The following CSMD1 variants were observed in gnomAD, a reference collection of about 807,000 sequenced individuals.
The protein encoded by CSMD1 is CUB and sushi domain-containing protein 1.
Under a neutral mutation model 417.5 loss-of-function variants are expected in CSMD1, and 213 were observed. The observed-to-expected ratio is 0.51, with a 90% CI of 0.46 to 0.57. The LOEUF (loss-of-function observed/expected upper bound fraction) is 0.57, where lower values mean the gene tolerates loss of function less well. CSMD1 is among the 20% of genes least tolerant of loss of function. The pLI, the probability that CSMD1 is intolerant of heterozygous loss-of-function variation, is 0.00. For synonymous variants in CSMD1, 2,862 were observed against 1,736.8 expected (o/e 1.65, Z -16.11); for missense variants, 6,923 against 4,529.7 (o/e 1.53, Z -15.17).
At chr8:3,513,606 G>A (rs140362363) in intron 10 of CSMD1, among the ~76,000 whole-genome samples, 1 of 152,126 alleles carries the variant, frequency 6.6e-6, no homozygotes, top group Admixed American at 6.5e-5. Flanking sequence ...CAATGCCCCA[G>A]AAAACATGGT....
At chr8:4,303,636 G>A (rs1338316003) in intron 3 of CSMD1, among the ~76,000 whole-genome samples, 1 of 151,826 alleles carries the variant, frequency 6.6e-6, no homozygotes, top group African/African-American at 2.4e-5. Context: ...GAGGTGACTG[G>A]GAAGTTTTTC....
chr8:3,794,111 C>G (rs150319118), intron 5 of CSMD1, among the ~76,000 whole-genome samples: 37 of 152,162 alleles, frequency 2.4e-4, no homozygotes, highest in African/African-American at 8.9e-4. Context: ...GTCGCAGGCA[C>G]ACACCCTGCC....
At chr8:4,134,792 A>C (rs1210029458) in intron 3 of CSMD1, among the ~76,000 whole-genome samples, 2 of 152,174 alleles carry the variant, frequency 1.3e-5, no homozygotes, top group East Asian at 3.9e-4. Flanking sequence ...CGGCATCATG[A>C]GTGATTTATT....
chr8:4,464,766 T>G (rs911982696), intron 2 of CSMD1, among the ~76,000 whole-genome samples: 5 of 152,182 alleles, frequency 3.3e-5, no homozygotes, highest in Non-Finnish European at 7.4e-5. Context: ...CGAGTCCTGC[T>G]GAGTGGGGTG....
intron 5 of CSMD1, among the ~76,000 whole-genome samples, chr8:3,984,970 G>T (rs924957074): frequency 6.6e-6 from 1 of 151,908 alleles, no homozygotes; most frequent in Non-Finnish European, 1.5e-5. Context: ...GTGAAGACTT[G>T]GGAAAGATGG....
intron 10 of CSMD1, among the ~76,000 whole-genome samples, chr8:3,522,804 A>T (rs1797562145): frequency 6.6e-6 from 1 of 151,828 alleles, no homozygotes; most frequent in South Asian, 2.1e-4. Flanking sequence ...ATGGTTACAT[A>T]TTAAATTACG....
intron 3 of CSMD1, among the ~76,000 whole-genome samples, chr8:4,038,850 C>G (rs1260640360): frequency 6.6e-6 from 1 of 152,152 alleles, no homozygotes; most frequent in Non-Finnish European, 1.5e-5. Context: ...ATTTGTACAT[C>G]AGGGCTTGAA....
At chr8:4,611,287 T>G (rs145740523) in intron 2 of CSMD1, among the ~76,000 whole-genome samples, 1 of 152,334 alleles carries the variant, frequency 6.6e-6, no homozygotes, top group Middle Eastern at 3.4e-3. Context: ...AACCTTTTCA[T>G]ACCAATAAAT....
intron 3 of CSMD1, among the ~76,000 whole-genome samples, chr8:4,078,067 G>T (rs897422183): frequency 3.3e-5 from 5 of 152,068 alleles, no homozygotes; most frequent in African/African-American, 1.2e-4. Flanking sequence ...AAATATGTTT[G>T]TAAGAAATGC....
intron 3 of CSMD1, among the ~76,000 whole-genome samples, chr8:4,136,017 A>G (rs1803409887): frequency 1.3e-5 from 2 of 152,196 alleles, no homozygotes; most frequent in African/African-American, 4.8e-5. Context: ...ATTTCAAAAA[A>G]TATTATGGGT....
chr8:4,001,043 G>T (rs1356713063), intron 4 of CSMD1, among the ~76,000 whole-genome samples: 2 of 100,378 alleles, frequency 2.0e-5, no homozygotes, highest in East Asian at 6.7e-4. Flanking sequence ...TTTCAGAGGG[G>T]AAAATAAAAA....
chr8:3,468,841 T>A lies in CSMD1; in HGVS notation c.1449-17A>T, dbSNP rs374753194. 18 of 1,543,354 alleles carry A rather than the reference T, an allele frequency of 1.2e-5. No individual in the cohort carries two copies. Among genetic ancestry groups the A allele is most frequent in the Non-Finnish European group, 1.6e-5 (18 of 1,135,856 alleles). ...CCCGTGAGCCTGCAAGAAAGAGAAA[T>A]GTCAAAGCTTTTAGGTAAGGCAACA... is the stretch of plus-strand genomic sequence containing the variant. On this transcript the variant is annotated splice_polypyrimidine_tract_variant and intron_variant, in intron 11 of 69. Coordinates refer to ENST00000635120, the MANE Select transcript of CSMD1 (RefSeq NM_033225.6).
intron 23 of CSMD1, among the ~76,000 whole-genome samples, chr8:3,313,345 G>A (rs183522982): frequency 6.6e-5 from 10 of 152,132 alleles, no homozygotes; most frequent in Admixed American, 2.6e-4. Flanking sequence ...ATACAGAAAG[G>A]GAGAAAATTT....
intron 1 of CSMD1, among the ~76,000 whole-genome samples, chr8:4,762,276 A>G (rs1414346181): frequency 6.6e-6 from 1 of 152,128 alleles, no homozygotes; most frequent in African/African-American, 2.4e-5. Context: ...TGTGTGGTTT[A>G]CGGGTAATTG....
Position 3,830,206 on chromosome 8 carries a change from G to C in CSMD1, c.819-76164C>G, listed in dbSNP as rs566089044. Among the ~76,000 whole-genome samples, 13 of 152,312 alleles carry C rather than the reference G, an allele frequency of 8.5e-5. 1 individual carries two copies. In the South Asian group the frequency reaches 2.1e-3, roughly 24 times the overall value. On this transcript the variant is annotated intron_variant, in intron 5 of 69. Coordinates refer to ENST00000635120, the MANE Select transcript of CSMD1 (RefSeq NM_033225.6). Reference sequence around the variant, plus strand: ...TTATGAAGTGGAACAAGGATTGTTTGAGGTAAAATATGTGAAATTTCTAAA... The same window carrying C: ...TTATGAAGTGGAACAAGGATTGTTTCAGGTAAAATATGTGAAATTTCTAAA...
intron 1 of CSMD1, among the ~76,000 whole-genome samples, chr8:4,992,045 C>G (rs1811497201): frequency 6.6e-6 from 1 of 152,198 alleles, no homozygotes; most frequent in Non-Finnish European, 1.5e-5. Context: ...GCCTGGGACC[C>G]TGGGCTCCAC....
At chr8:4,205,621 G>C (rs1799932764) in intron 3 of CSMD1, among the ~76,000 whole-genome samples, 2 of 152,140 alleles carry the variant, frequency 1.3e-5, no homozygotes, top group African/African-American at 2.4e-5. Flanking sequence ...TTCCACCCAG[G>C]AGCCACACAG....
At chr8:4,705,252 G>T (rs935694105) in intron 1 of CSMD1, among the ~76,000 whole-genome samples, 1 of 151,946 alleles carries the variant, frequency 6.6e-6, no homozygotes, top group Non-Finnish European at 1.5e-5. Context: ...CCAGTCTCTG[G>T]TATTTTTTTT....
intron 5 of CSMD1, among the ~76,000 whole-genome samples, chr8:3,961,450 G>C (rs1242324826): frequency 6.6e-6 from 1 of 152,140 alleles, no homozygotes; most frequent in Non-Finnish European, 1.5e-5. Flanking sequence ...CTTTGACACA[G>C]ATTTAAATTA....
Sources: allele counts gnomAD v4.1 joint callset (sites outside exome capture counted in the v4.1 genomes callset), GRCh38; gene constraint gnomAD v4.1.1; transcripts MANE v1.5; gene names NCBI Gene and HGNC (gene_info 2026-07-23, HGNC 2026-07-21).